Variants in SIPA1L3 observed in about 807,000 individuals in gnomAD.
SIPA1L3 encodes signal induced proliferation associated 1 like 3.
A neutral mutation model predicts 150.1 loss-of-function variants in SIPA1L3; 59 were observed. The observed-to-expected ratio is 0.39, with a 90% CI of 0.32 to 0.49. The LOEUF is 0.49. Among genes scored for constraint, SIPA1L3 ranks in the 20% least tolerant of loss-of-function variants. The pLI is 0.86. For missense variants in SIPA1L3, 2,211 were observed against 2,489.5 expected, an observed-to-expected ratio of 0.89 and a Z score of 2.38; for synonymous variants, 1,070 against 1,077.6, an observed-to-expected ratio of 0.99 and a Z score of 0.14.
chr19:38,146,061 G>C (rs186530327), intron 12 of SIPA1L3, among the ~76,000 whole-genome samples: 7 of 152,202 alleles, frequency 4.6e-5, no homozygotes, highest in Admixed American at 2.6e-4. Context: ...ACAAGGTCTC[G>C]CTGTGTTGCT....
At chr19:37,931,877 C>T (rs8110284) in intron 1 of SIPA1L3, among the ~76,000 whole-genome samples, 42,638 of 152,108 alleles carry the variant, frequency 0.28, 6,995 homozygotes, top group East Asian at 0.6. Flanking sequence ...ATGACTTATT[C>T]GTTGAACTTC....
chr19:38,127,899 G>A (rs1971212594), intron 9 of SIPA1L3, among the ~76,000 whole-genome samples: 1 of 152,010 alleles, frequency 6.6e-6, no homozygotes, highest in African/African-American at 2.4e-5. Context: ...ATAAGCAAAA[G>A]CAATTTATTT....
chr19:38,187,500 G>A (rs897555568), intron 16 of SIPA1L3, among the ~76,000 whole-genome samples: 3 of 151,280 alleles, frequency 2.0e-5, no homozygotes, highest in African/African-American at 7.3e-5. Context: ...GGTGGATCAC[G>A]AGGTCAGGAG....
At chr19:37,973,534 CAAAAA>C (rs59279280) in intron 1 of SIPA1L3, among the ~76,000 whole-genome samples, 1 of 51,510 alleles carries the variant, frequency 1.9e-5, no homozygotes, top group Non-Finnish European at 3.4e-5. Flanking sequence ...TGTGCCTGGC[CAAAAA>C]AAAAAAAAAA....
intron 1 of SIPA1L3, among the ~76,000 whole-genome samples, chr19:38,007,044 G>T (rs1009984691): frequency 6.6e-6 from 1 of 152,196 alleles, no homozygotes; most frequent in Admixed American, 6.5e-5. Context: ...CGAAAAGAAC[G>T]CGATGGCTCC....
chr19:38,198,436 C>T lies in SIPA1L3; in HGVS notation c.4888C>T (p.Pro1630Ser), dbSNP rs1454560010. The T allele has an allele frequency of 6.3e-7, 1 of 1,599,226 alleles. No homozygotes were observed. Among genetic ancestry groups the T allele is most frequent in the Admixed American group, 1.7e-5 (1 of 58,238 alleles). The change falls in exon 19 of 22, where the codon CCC becomes TCC. Residue 1630 changes from proline to serine, a missense_variant. Coordinates refer to ENST00000222345, the MANE Select transcript of SIPA1L3 (RefSeq NM_015073.3). ...CTCGCTGGCTGATGGGCGGGACCGC[C>T]CCCTGCGGCGCCTGGACCCTGGGCT... Reference protein sequence around the residue: ...ELSLADGRDRPLRRLDPGLMP... With the variant: ...ELSLADGRDRSLRRLDPGLMP...
In SIPA1L3 at chr19:38,175,902, C is replaced by T. The variant is rs189334956; in HGVS notation, c.4209-6617C>T. The stretch of plus-strand genomic sequence containing the variant: ...TCAGGAGGACGCATGGGCACACTGG[C>T]GCTCCAGAAAGAAAGAACGTTCAGG... On this transcript the variant is annotated intron_variant, in intron 15 of 21. Transcript: ENST00000222345. Among the ~76,000 whole-genome samples the T allele has an allele frequency of 6.6e-5, 10 of 152,188 alleles. No individual in the cohort carries two copies. In the East Asian group the frequency reaches 7.8e-4, roughly 12 times the overall value.
intron 10 of SIPA1L3, among the ~76,000 whole-genome samples, chr19:38,139,817 A>G (rs1245283015): frequency 9.9e-5 from 15 of 152,182 alleles, no homozygotes; most frequent in Non-Finnish European, 2.2e-4. Flanking sequence ...TGGTCTTTCT[A>G]CTTCCATGAT....
intron 1 of SIPA1L3, among the ~76,000 whole-genome samples, chr19:37,954,812 C>T (rs905315711): frequency 2.3e-4 from 35 of 152,134 alleles, no homozygotes; most frequent in African/African-American, 7.5e-4. Flanking sequence ...TCAGGCTGGG[C>T]GCAGTGGCTT....
intron 1 of SIPA1L3, among the ~76,000 whole-genome samples, chr19:37,927,145 C>CT (rs34057465): frequency 0.39 from 50,649 of 128,262 alleles, 13,657 homozygotes; most frequent in East Asian, 0.78. Flanking sequence ...TTTTCTTTTC[C>CT]TTTTTTTTTT....
intron 2 of SIPA1L3, among the ~76,000 whole-genome samples, chr19:38,052,258 C>T (rs1286082399): frequency 1.3e-5 from 2 of 152,152 alleles, no homozygotes; most frequent in Non-Finnish European, 2.9e-5. Flanking sequence ...AGAATCCACT[C>T]TAGGTATTTT....
chr19:38,000,784 G>A (rs1967765301), intron 1 of SIPA1L3, among the ~76,000 whole-genome samples: 1 of 148,452 alleles, frequency 6.7e-6, no homozygotes, highest in African/African-American at 2.5e-5. Flanking sequence ...AGACTGGAAG[G>A]AAATGAACCA....
At chr19:38,124,586 T>C (rs1600103956) in intron 9 of SIPA1L3, among the ~76,000 whole-genome samples, 1 of 149,194 alleles carries the variant, frequency 6.7e-6, no homozygotes, top group Non-Finnish European at 1.5e-5. Context: ...CGCTCCTCAC[T>C]TCCCAGACGG....
Position 38,119,524 on chromosome 19 carries a change from C to T in SIPA1L3, c.2510C>T (p.Pro837Leu), listed in dbSNP as rs752054957. 8.1e-6 allele frequency: 13 copies of T among 1,614,070 alleles called. No homozygotes were observed. The South Asian group carries it at 1.4e-4, about 18-fold the overall frequency. ...GCCGAAAACTGTGTCTCCAACACCCCCATCGACTCCACCGGCAAATTCAAC... is the reference window on the plus strand; with the variant it reads ...GCCGAAAACTGTGTCTCCAACACCCTCATCGACTCCACCGGCAAATTCAAC... Reference protein sequence around the residue: ...DLAENCVSNTPIDSTGKFNLI... With the variant: ...DLAENCVSNTLIDSTGKFNLI... Residue 837 changes from proline to leucine, a missense_variant, in exon 9 of 22, where the codon CCC becomes CTC. Pro to Leu is a moderately conservative substitution (Grantham distance 98). This residue lies in a region of SIPA1L3 where 625 missense variants were observed against 804.2 expected (regional missense o/e 0.78). Coordinates refer to ENST00000222345, the MANE Select transcript of SIPA1L3 (RefSeq NM_015073.3).
intron 18 of SIPA1L3, among the ~76,000 whole-genome samples, chr19:38,194,785 T>A (rs1435892178): frequency 6.6e-6 from 1 of 152,176 alleles, no homozygotes; most frequent in Non-Finnish European, 1.5e-5. Context: ...GCGCGGTGGC[T>A]CACGCCTGTA....
At chr19:38,103,856 C>T (rs1174412787) in intron 6 of SIPA1L3, among the ~76,000 whole-genome samples, 7 of 140,016 alleles carry the variant, frequency 5.0e-5, no homozygotes, top group East Asian at 4.2e-4. Context: ...GAGCCGAGAT[C>T]GCACCACCGC....
Position 38,088,865 on chromosome 19 carries a change from C to T in SIPA1L3, c.1665+14C>T, listed in dbSNP as rs1182738621. ...CGGACCCGCGAGGTAGGTCCCATCA[C>T]TCTCGTTCTTATTAAAGAAATCATA... On this transcript the variant is annotated intron_variant, in intron 4 of 21. Coordinates refer to ENST00000222345, the MANE Select transcript of SIPA1L3 (RefSeq NM_015073.3). 5.6e-6 allele frequency: 9 copies of T among 1,611,832 alleles called. No individual in the cohort carries two copies. The highest frequency in any genetic ancestry group is 1.3e-5 in the African/African-American group (1 of 74,882).
chr19:38,087,708 G>C (rs1970165275), intron 3 of SIPA1L3: 1 of 152,284 alleles, frequency 6.6e-6, no homozygotes, highest in Non-Finnish European at 1.5e-5. Flanking sequence ...TAAAGCCTCT[G>C]TTACCCTAAG....
chr19:38,003,297 A>G (rs908405325), intron 1 of SIPA1L3, among the ~76,000 whole-genome samples: 1 of 152,360 alleles, frequency 6.6e-6, no homozygotes, highest in East Asian at 1.9e-4. Flanking sequence ...CCGCAGAGCC[A>G]TATGGATAAG....
Sources: gnomAD v4.1 joint callset for allele counts (sites outside exome capture counted in the v4.1 genomes callset) on GRCh38, gnomAD v4.1.1 for gene constraint, gnomAD v4.1.1 regional missense constraint, MANE v1.5 for transcripts, NCBI Gene and HGNC (gene_info 2026-07-23, HGNC 2026-07-21) for gene names.